The following CSMD1 variants were observed in gnomAD, a reference collection of about 807,000 sequenced individuals.
CSMD1 encodes CUB and sushi domain-containing protein 1.
A neutral mutation model predicts 417.5 loss-of-function variants in CSMD1; 213 were observed. The ratio of observed to expected loss-of-function variants is 0.51; its 90% CI spans 0.46 to 0.57. The LOEUF (loss-of-function observed/expected upper bound fraction) is 0.57, where lower values mean the gene tolerates loss of function less well. CSMD1 is among the 20% of genes least tolerant of loss of function. The pLI is 0.00. For synonymous variants in CSMD1, 2,862 were observed against 1,736.8 expected (o/e 1.65, Z -16.11); for missense variants, 6,923 against 4,529.7 (o/e 1.53, Z -15.17).
chr8:4,184,924 G>T (rs1584979477), intron 3 of CSMD1, among the ~76,000 whole-genome samples: 1 of 150,146 alleles, frequency 6.7e-6, no homozygotes, highest in South Asian at 2.1e-4. Context: ...GATCACCTGA[G>T]GTCAGGAGTT....
chr8:3,395,789 C>T (rs182848873), intron 17 of CSMD1, among the ~76,000 whole-genome samples: 34 of 152,200 alleles, frequency 2.2e-4, no homozygotes, highest in Admixed American at 2.0e-3. Flanking sequence ...ACAAATTGAC[C>T]TAACCCTGTT....
At chr8:4,801,383 A>G (rs980094386) in intron 1 of CSMD1, among the ~76,000 whole-genome samples, 4 of 152,030 alleles carry the variant, frequency 2.6e-5, no homozygotes, top group African/African-American at 9.7e-5. Context: ...AGCAGATTCA[A>G]AGTGAGAGAC....
chr8:3,019,217 C>A (rs1809142361), intron 51 of CSMD1, among the ~76,000 whole-genome samples: 1 of 152,186 alleles, frequency 6.6e-6, no homozygotes, highest in African/African-American at 2.4e-5. Flanking sequence ...TGTGCCTCGA[C>A]CCATTAATGT....
At chr8:4,002,333 C>A (rs911374312) in intron 4 of CSMD1, among the ~76,000 whole-genome samples, 1 of 152,100 alleles carries the variant, frequency 6.6e-6, no homozygotes, top group Non-Finnish European at 1.5e-5. Context: ...CTTAATTTCT[C>A]CGCTATTTTT....
intron 8 of CSMD1, among the ~76,000 whole-genome samples, chr8:3,593,468 G>A (rs147072489): frequency 1.8e-4 from 27 of 152,268 alleles, no homozygotes; most frequent in Admixed American, 7.8e-4. Context: ...TGGCACAGGC[G>A]GGATGGAGGA....
At chr8:4,092,945 T>C (rs1483026425) in intron 3 of CSMD1, among the ~76,000 whole-genome samples, 1 of 152,200 alleles carries the variant, frequency 6.6e-6, no homozygotes, top group Non-Finnish European at 1.5e-5. Context: ...TTATTACTCT[T>C]CCTGTCACTC....
At chr8:3,900,556 C>G (rs1008262750) in intron 5 of CSMD1, among the ~76,000 whole-genome samples, 1 of 150,826 alleles carries the variant, frequency 6.6e-6, no homozygotes. Context: ...GGTGACAGTG[C>G]AGATGGGTGA....
At chr8:4,209,648 G>A (rs904984873) in intron 3 of CSMD1, among the ~76,000 whole-genome samples, 1 of 152,112 alleles carries the variant, frequency 6.6e-6, no homozygotes, top group African/African-American at 2.4e-5. Flanking sequence ...AGCCTGGGAG[G>A]GTTGTTGGCT....
rs545876004 is a variant in CSMD1, at chr8:4,716,104, C to T, written c.86-78546G>A. On this transcript the variant is annotated intron_variant, in intron 1 of 69. Transcript: ENST00000635120. ...TGGGTTGGGGGCAGGGACTCTTAGT[C>T]GGGAGACTCACAGAGCTGTGAGATG... 4.6e-5 allele frequency among the ~76,000 whole-genome samples: 7 copies of T among 152,198 alleles called. No homozygotes were observed. The South Asian group carries it at 8.3e-4, about 18-fold the overall frequency.
chr8:4,858,409 G>A (rs1476392992), intron 1 of CSMD1, among the ~76,000 whole-genome samples: 2 of 150,412 alleles, frequency 1.3e-5, no homozygotes, highest in African/African-American at 5.0e-5. Flanking sequence ...TGGAAGTTCT[G>A]GCCAGGGCAA....
At chr8:4,947,969 A>G (rs12548647) in intron 1 of CSMD1, among the ~76,000 whole-genome samples, 40,962 of 151,894 alleles carry the variant, frequency 0.27, 6,279 homozygotes, top group Non-Finnish European at 0.36. Flanking sequence ...TTTTTTTAAG[A>G]TATCCATAAA....
At chr8:4,050,931 C>A (rs888817575) in intron 3 of CSMD1, among the ~76,000 whole-genome samples, 1 of 152,042 alleles carries the variant, frequency 6.6e-6, no homozygotes, top group African/African-American at 2.4e-5. Context: ...GACCTATATT[C>A]CCATCCATGA....
intron 52 of CSMD1, among the ~76,000 whole-genome samples, chr8:3,007,733 G>GAC (rs1808056425): frequency 7.1e-6 from 1 of 140,636 alleles, no homozygotes; most frequent in Non-Finnish European, 1.5e-5. Flanking sequence ...AGATCACATG[G>GAC]ACACAGGAAG....
rs375049169 is a variant in CSMD1, at chr8:4,305,261, T to C, written c.415+114692A>G. Among the ~76,000 whole-genome samples, 76 of 152,284 alleles carry C rather than the reference T, an allele frequency of 5.0e-4. 1 individual carries two copies. Among genetic ancestry groups the C allele is most frequent in the Middle Eastern group, 3.4e-3 (1 of 294 alleles). On this transcript the variant is annotated intron_variant, in intron 3 of 69. Coordinates refer to ENST00000635120, the MANE Select transcript of CSMD1 (RefSeq NM_033225.6). The stretch of plus-strand genomic sequence containing the variant: ...TTGAGGCTTAGCTAAATCGGCCATT[T>C]CCAATGCCTGGGAACTGAGCTGCAT...
chr8:4,612,496 AC>A (rs1177871228), intron 2 of CSMD1, among the ~76,000 whole-genome samples: 1 of 152,210 alleles, frequency 6.6e-6, no homozygotes, highest in Non-Finnish European at 1.5e-5. Context: ...GATGACCACA[AC>A]AGGCAAATTG....
At chr8:4,908,438 A>T (rs577562748) in intron 1 of CSMD1, among the ~76,000 whole-genome samples, 1 of 152,106 alleles carries the variant, frequency 6.6e-6, no homozygotes, top group African/African-American at 2.4e-5. Flanking sequence ...CCTCAAATCT[A>T]TCTTTCTCTG....
intron 7 of CSMD1, among the ~76,000 whole-genome samples, chr8:3,636,076 A>AT (rs35424624): frequency 0.45 from 68,993 of 151,788 alleles, 15,820 homozygotes; most frequent in Middle Eastern, 0.64. Context: ...CTATTTTATT[A>AT]TTTTTTTGTA....
intron 51 of CSMD1, among the ~76,000 whole-genome samples, chr8:3,022,493 T>C (rs1809524121): frequency 6.6e-6 from 1 of 152,242 alleles, no homozygotes; most frequent in African/African-American, 2.4e-5. Context: ...GTCTCTTTTT[T>C]GTCTCTCCTT....
chr8:4,924,684 T>G (rs1268475120), intron 1 of CSMD1, among the ~76,000 whole-genome samples: 1 of 118,788 alleles, frequency 8.4e-6, no homozygotes, highest in Non-Finnish European at 1.6e-5. Context: ...ATCGCACCAT[T>G]GCACTCTAGC....
Sources: gnomAD v4.1 joint callset for allele counts (sites outside exome capture counted in the v4.1 genomes callset) on GRCh38, gnomAD v4.1.1 for gene constraint, MANE v1.5 for transcripts, NCBI Gene and HGNC (gene_info 2026-07-23, HGNC 2026-07-21) for gene names.